The following IARS1 variants were observed in gnomAD, a reference collection of about 807,000 sequenced individuals.
IARS1 encodes isoleucine--tRNA ligase, cytoplasmic.
Under a neutral mutation model 168.2 loss-of-function variants are expected in IARS1, and 124 were observed. The ratio of observed to expected loss-of-function variants is 0.74; its 90% CI spans 0.64 to 0.86. The LOEUF (loss-of-function observed/expected upper bound fraction) is 0.86. IARS1 is among the 40% of genes least tolerant of loss of function. The pLI is 0.00. For missense variants in IARS1, 1,452 were observed against 1,515.8 expected (o/e 0.96, Z 0.70); for synonymous variants, 532 against 529.4 (o/e 1.00, Z -0.07).
intron 6 of IARS1, among the ~76,000 whole-genome samples, chr9:92,283,639 T>C (rs1834988541): frequency 6.6e-6 from 1 of 152,000 alleles, no homozygotes; most frequent in African/African-American, 2.4e-5. Context: ...AGACTCCGTC[T>C]CAAAAAAATA....
intron 10 of IARS1, among the ~76,000 whole-genome samples, chr9:92,273,543 G>GA (rs34627245): frequency 6.6e-6 from 1 of 152,012 alleles, no homozygotes; most frequent in Non-Finnish European, 1.5e-5. Flanking sequence ...TGGATGATGT[G>GA]AAAAAAAGAA....
intron 1 of IARS1, among the ~76,000 whole-genome samples, chr9:92,290,492 G>A (rs576835983): frequency 3.3e-5 from 5 of 152,090 alleles, no homozygotes; most frequent in East Asian, 3.9e-4. Flanking sequence ...TCTGTGGGCC[G>A]TCTTTTTATT....
In IARS1 at chr9:92,223,499, A is replaced by T. The variant is rs781113265; in HGVS notation, c.3410-10T>A. Reference sequence around the variant, plus strand: ...GTTTGGTTTTGTATTTCTAAAAATAACAACAACAATTCTTTCAGGGTTAAC... The same window carrying T: ...GTTTGGTTTTGTATTTCTAAAAATATCAACAACAATTCTTTCAGGGTTAAC... On this transcript the variant is annotated splice_polypyrimidine_tract_variant and intron_variant, in intron 31 of 33. Transcript: ENST00000443024. 14 of 1,605,642 alleles carry T rather than the reference A, an allele frequency of 8.7e-6. No homozygotes were observed. In the South Asian group the frequency reaches 1.3e-4, roughly 15 times the overall value.
intron 4 of IARS1, 78 bp downstream of exon 4, chr9:92,287,713 C>T: frequency 1.4e-6 from 2 of 1,442,442 alleles, no homozygotes; most frequent in Non-Finnish European, 1.9e-6. Flanking sequence ...AAAAAAAGCA[C>T]AAGGGACCAT....
intron 27 of IARS1, among the ~76,000 whole-genome samples, chr9:92,244,310 CG>C (rs1479988526): frequency 1.3e-5 from 2 of 152,120 alleles, no homozygotes; most frequent in Non-Finnish European, 2.9e-5. Flanking sequence ...CTAACTTAAG[CG>C]CCTGGGTAAA....
intron 8 of IARS1, 77 bp from the exon 9 acceptor site, chr9:92,278,000 C>A: frequency 7.2e-7 from 1 of 1,379,790 alleles, no homozygotes; most frequent in East Asian, 2.3e-5. Context: ...GCTACCACTC[C>A]CCTCTGGTTT....
At chr9:92,270,836 T>C (rs1160953499) in intron 12 of IARS1, 149 bp downstream of exon 12, 4 of 493,372 alleles carry the variant, frequency 8.1e-6, no homozygotes, top group Non-Finnish European at 1.4e-5. Flanking sequence ...CCAACTCTCC[T>C]AAAAATGAAG....
chr9:92,259,071 A>T, intron 18 of IARS1, 73 bp from the exon 19 acceptor site: 1 of 1,305,440 alleles, frequency 7.7e-7, no homozygotes, highest in Non-Finnish European at 1.0e-6. Context: ...CGACATATTG[A>T]GAGAGCAAGA....
chr9:92,244,917 T>C (rs766354574), intron 27 of IARS1, 42 bp downstream of exon 27: 4 of 1,483,384 alleles, frequency 2.7e-6, no homozygotes, highest in Non-Finnish European at 3.8e-6. Flanking sequence ...TCTTATGCTC[T>C]CATCTCTTGG....
intron 20 of IARS1, among the ~76,000 whole-genome samples, chr9:92,254,550 G>A (rs541307704): frequency 6.6e-6 from 1 of 152,302 alleles, no homozygotes; most frequent in East Asian, 1.9e-4. Flanking sequence ...GGCCAGAGTC[G>A]TTAGCTGGTC....
Position 92,210,797 on chromosome 9 carries a change from T to C in IARS1, c.*10A>G. On this transcript the variant is annotated 3_prime_UTR_variant, in exon 34 of 34. Transcript: ENST00000443024. ...GGAAGGGCTGACCGAACAACATTGATAAGTACATGCTAGAAGTCTGCTGTT... is the reference window on the plus strand; with the variant it reads ...GGAAGGGCTGACCGAACAACATTGACAAGTACATGCTAGAAGTCTGCTGTT... 6.4e-7 allele frequency: 1 copy of C among 1,571,248 alleles called. No homozygotes were observed.
rs1326708937 is a variant in IARS1, at chr9:92,243,296, C to G, written c.2920G>C (p.Asp974His). Reference sequence around the variant, plus strand: ...ACCATTGACTGGTCAGGAGTGACATCTAAGAGGACCAAAGCCTGTGGGAAT... The same window carrying G: ...ACCATTGACTGGTCAGGAGTGACATGTAAGAGGACCAAAGCCTGTGGGAAT... ...HSDAQALVLL[D>H]VTPDQSMVDE... The change falls in exon 28 of 34, where the codon GAT becomes CAT. Residue 974 changes from aspartate (D) to histidine (H), a missense_variant. Physicochemically the swap from Asp to His is moderately conservative, Grantham distance 81. Transcript: ENST00000443024. The G allele has an allele frequency of 6.2e-7, 1 of 1,612,990 alleles. No homozygotes were observed. The highest frequency in any genetic ancestry group is 2.2e-5 in the East Asian group (1 of 44,860).
intron 14 of IARS1, among the ~76,000 whole-genome samples, chr9:92,266,656 CCTT>C (rs1408292834): frequency 6.6e-6 from 1 of 152,194 alleles, no homozygotes; most frequent in East Asian, 1.9e-4. Context: ...CCAATGCTCT[CCTT>C]CTGCAGTGAG....
At chr9:92,232,087 C>T (rs2133505469) in intron 30 of IARS1, among the ~76,000 whole-genome samples, 1 of 152,248 alleles carries the variant, frequency 6.6e-6, no homozygotes, top group East Asian at 1.9e-4. Context: ...ATCTATTAAA[C>T]TTTTTAGGAT....
At chr9:92,259,394 A>T (rs1831202818) in intron 18 of IARS1, among the ~76,000 whole-genome samples, 1 of 152,110 alleles carries the variant, frequency 6.6e-6, no homozygotes, top group South Asian at 2.1e-4. Context: ...CACAAGGAAG[A>T]GCCTTCACAG....
At chr9:92,265,620 T>C in intron 14 of IARS1, 67 bp from the exon 15 acceptor site, 2 of 1,173,888 alleles carry the variant, frequency 1.7e-6, no homozygotes, top group African/African-American at 3.0e-5. Flanking sequence ...AGTTAATTTA[T>C]ATAGCATGCA....
intron 19 of IARS1, 143 bp from the exon 20 acceptor site, chr9:92,256,943 A>G: frequency 1.4e-6 from 1 of 717,218 alleles, no homozygotes; most frequent in Non-Finnish European, 2.1e-6. Flanking sequence ...ATTTTCAGCA[A>G]TATTTTCAAG....
chr9:92,245,627 CCTT>C (rs369574199), intron 26 of IARS1, among the ~76,000 whole-genome samples: 148 of 152,260 alleles, frequency 9.7e-4, no homozygotes, highest in Non-Finnish European at 1.9e-3. Flanking sequence ...CTGATGATGA[CCTT>C]CTTGGGCTCT....
intron 9 of IARS1, 61 bp from the exon 10 acceptor site, chr9:92,274,582 T>C: frequency 8.3e-7 from 1 of 1,197,702 alleles, no homozygotes; most frequent in Non-Finnish European, 1.2e-6. Flanking sequence ...ACGTTAACTT[T>C]GTAACAGTTT....
Sources: allele counts gnomAD v4.1 joint callset (sites outside exome capture counted in the v4.1 genomes callset), GRCh38; gene constraint gnomAD v4.1.1; transcripts MANE v1.5; gene names NCBI Gene and HGNC (gene_info 2026-07-23, HGNC 2026-07-21).